Variants in AFG2A observed in about 807,000 individuals in gnomAD.
AFG2A encodes the protein AAA ATPase AFG2A.
the AFG2A span, chr4:123,057,228 C>G: frequency 6.2e-7 from 1 of 1,613,874 alleles, no homozygotes; most frequent in Non-Finnish European, 8.5e-7. Flanking sequence ...AAAGCAAGAG[C>G]AGTGGCGCCT....
At chr4:123,217,659 C>A in the AFG2A span, among the ~76,000 whole-genome samples, 3 of 152,106 alleles carry the variant, frequency 2.0e-5, no homozygotes, top group Non-Finnish European at 4.4e-5. Context: ...CAGATCCTTT[C>A]CTTTGAGACA....
the AFG2A span, among the ~76,000 whole-genome samples, chr4:123,279,014 C>T: frequency 1.7e-4 from 26 of 152,226 alleles, no homozygotes; most frequent in South Asian, 4.6e-3. Flanking sequence ...CCATATATCT[C>T]TAGGACACAG....
chr4:122,947,575 C>A, the AFG2A span: 1 of 1,319,440 alleles, frequency 7.6e-7, no homozygotes, highest in Non-Finnish European at 9.8e-7. Context: ...TTACAGATTT[C>A]TTAATGGAAG....
the AFG2A span, among the ~76,000 whole-genome samples, chr4:122,959,671 T>C: frequency 6.6e-6 from 1 of 152,252 alleles, no homozygotes; most frequent in Admixed American, 6.5e-5. Context: ...GTTTCTGTAA[T>C]CTAAAGGTTA....
chr4:123,012,166 G>A, the AFG2A span, among the ~76,000 whole-genome samples: 20 of 146,978 alleles, frequency 1.4e-4, no homozygotes, highest in East Asian at 2.1e-4. Flanking sequence ...TGGAGAAGGG[G>A]TGGGTAGAGA....
chr4:123,280,425 C>T, the AFG2A span, among the ~76,000 whole-genome samples: 4 of 152,170 alleles, frequency 2.6e-5, no homozygotes, highest in South Asian at 2.1e-4. Context: ...TTGCCATACA[C>T]ATAGTAGCTT....
chr4:122,943,515 G>T, the AFG2A span, among the ~76,000 whole-genome samples: 1 of 151,702 alleles, frequency 6.6e-6, no homozygotes, highest in Non-Finnish European at 1.5e-5. Context: ...CTTTTATTTT[G>T]AGCCTATGTG....
At chr4:123,016,945 C>T in the AFG2A span, among the ~76,000 whole-genome samples, 1,778 of 152,286 alleles carry the variant, frequency 0.012, 54 homozygotes, top group South Asian at 0.11. Context: ...CACAGCGAAA[C>T]CCCGTCTCCA....
chr4:123,047,912 G>A, the AFG2A span, among the ~76,000 whole-genome samples: 6 of 151,838 alleles, frequency 4.0e-5, no homozygotes, highest in Admixed American at 6.6e-5. Context: ...GATATGTTGC[G>A]CAGGCTCAAA....
chr4:123,300,911 C>G, the AFG2A span, among the ~76,000 whole-genome samples: 4 of 152,124 alleles, frequency 2.6e-5, no homozygotes, highest in African/African-American at 9.7e-5. Flanking sequence ...CCACTCACCT[C>G]TAGCATGATT....
chr4:123,000,946 G>T, the AFG2A span, among the ~76,000 whole-genome samples: 2 of 109,248 alleles, frequency 1.8e-5, no homozygotes, highest in Non-Finnish European at 2.0e-5. Flanking sequence ...GACTCTTTTT[G>T]GTTGGTAAGC....
the AFG2A span, among the ~76,000 whole-genome samples, chr4:123,049,696 A>G: frequency 6.6e-6 from 1 of 151,520 alleles, no homozygotes; most frequent in Non-Finnish European, 1.5e-5. Context: ...CTCTTCTCTG[A>G]TTTTATTTAT....
chr4:123,310,678 A>G, the AFG2A span, among the ~76,000 whole-genome samples: 1 of 152,216 alleles, frequency 6.6e-6, no homozygotes, highest in Non-Finnish European at 1.5e-5. Context: ...CTGGCTTAAT[A>G]TAGTTATTGC....
the AFG2A span, among the ~76,000 whole-genome samples, chr4:123,063,798 A>T: frequency 6.6e-6 from 1 of 152,008 alleles, no homozygotes; most frequent in Non-Finnish European, 1.5e-5. Context: ...TAAATTCAGG[A>T]TGTTTCACAA....
the AFG2A span, among the ~76,000 whole-genome samples, chr4:123,007,600 GTGTGTGTGTATA>G: frequency 6.4e-4 from 6 of 9,350 alleles, no homozygotes; most frequent in African/African-American, 2.8e-3. Context: ...GTGTGTGTGT[GTGTGTGTGTATA>G]TATATATATA....
chr4:123,252,212 A>C, the AFG2A span, among the ~76,000 whole-genome samples: 1 of 152,034 alleles, frequency 6.6e-6, no homozygotes, highest in Non-Finnish European at 1.5e-5. Flanking sequence ...TTTCCATTAC[A>C]TTTGTTAACA....
At chr4:123,197,645 G>A in the AFG2A span, among the ~76,000 whole-genome samples, 1 of 152,078 alleles carries the variant, frequency 6.6e-6, no homozygotes, top group Non-Finnish European at 1.5e-5. Flanking sequence ...GGCGGCGCCT[G>A]TAATCCCAGC....
At chr4:123,153,098 T>C in the AFG2A span, among the ~76,000 whole-genome samples, 2 of 152,224 alleles carry the variant, frequency 1.3e-5, no homozygotes, top group Non-Finnish European at 2.9e-5. Flanking sequence ...CAGTGGGCAA[T>C]TGAGTCATGT....
At chr4:123,312,291 A>C in the AFG2A span, among the ~76,000 whole-genome samples, 3 of 151,764 alleles carry the variant, frequency 2.0e-5, no homozygotes. Context: ...GGGGTGGGGG[A>C]GGTATGCAGG....
Sources: gnomAD v4.1 joint callset for allele counts (sites outside exome capture counted in the v4.1 genomes callset) on GRCh38, gnomAD v4.1.1 for gene constraint, MANE v1.5 for transcripts, NCBI Gene and HGNC (gene_info 2026-07-23, HGNC 2026-07-21) for gene names.